Variants in FAR2 observed in about 807,000 individuals in gnomAD.
FAR2 encodes fatty acyl-CoA reductase 2.
In FAR2, 19 loss-of-function variants were observed where a neutral mutation model predicts 56.0. That is an observed-to-expected ratio of 0.34 (90% confidence interval 0.24 to 0.50). The LOEUF (loss-of-function observed/expected upper bound fraction) is 0.50. Among genes scored for constraint, FAR2 ranks in the 20% least tolerant of loss-of-function variants. The pLI, the probability that FAR2 is intolerant of heterozygous loss-of-function variation, is 0.98. For missense variants in FAR2, 508 were observed against 642.2 expected, an observed-to-expected ratio of 0.79 and a Z score of 2.26; for synonymous variants, 219 against 218.8, an observed-to-expected ratio of 1.00 and a Z score of -0.01.
At chr12:29,273,158 TC>T (rs1353682640) in intron 2 of FAR2, among the ~76,000 whole-genome samples, 1 of 152,128 alleles carries the variant, frequency 6.6e-6, no homozygotes, top group African/African-American at 2.4e-5. Flanking sequence ...AACCACTTTG[TC>T]CCTTGGTGGA....
At chr12:29,298,990 G>A (rs1591944506) in intron 4 of FAR2, among the ~76,000 whole-genome samples, 1 of 152,092 alleles carries the variant, frequency 6.6e-6, no homozygotes, top group East Asian at 1.9e-4. Flanking sequence ...GAGGTGGGTG[G>A]ATCACCCGAG....
In FAR2 at chr12:29,293,399, G is replaced by A; in HGVS notation, c.289G>A (p.Asp97Asn). ...NQNDFAISKE[D>N]MQELLSCTNI... is the part of the protein sequence containing the mutation. The stretch of plus-strand genomic sequence containing the variant: ...GAATGACTTTGCCATCAGCAAAGAG[G>A]ACATGCAGGAGCTTCTCTCCTGTAC... The change falls in exon 3 of 12, where the codon GAC becomes AAC. Residue 97 changes from aspartate (D) to asparagine (N), a missense_variant. Asp to Asn is a conservative substitution (Grantham distance 23, BLOSUM62 1). Transcript: ENST00000536681. 1 of 1,612,618 alleles carries A rather than the reference G, an allele frequency of 6.2e-7. No homozygotes were observed.
At chr12:29,265,598 C>G (rs1041971623) in intron 1 of FAR2, among the ~76,000 whole-genome samples, 1 of 152,112 alleles carries the variant, frequency 6.6e-6, no homozygotes, top group Admixed American at 6.5e-5. Flanking sequence ...CAGGGAAAGT[C>G]TCCAGTACAT....
chr12:29,322,993 G>A (rs1949578214), intron 10 of FAR2, among the ~76,000 whole-genome samples: 1 of 152,208 alleles, frequency 6.6e-6, no homozygotes, highest in Non-Finnish European at 1.5e-5. Context: ...TACCTCAGTT[G>A]GAAATGCAGA....
chr12:29,318,900 G>T (rs1376977711), intron 9 of FAR2, among the ~76,000 whole-genome samples: 2 of 152,094 alleles, frequency 1.3e-5, no homozygotes, highest in Non-Finnish European at 2.9e-5. Context: ...TTTGTGACTA[G>T]TGCCAGGTGA....
intron 1 of FAR2, among the ~76,000 whole-genome samples, chr12:29,180,583 A>C (rs1433405846): frequency 6.6e-6 from 1 of 152,160 alleles, no homozygotes; most frequent in Non-Finnish European, 1.5e-5. Context: ...TTTACATTTT[A>C]ACCAGAAATT....
At chr12:29,312,318 TCACTGAGAATGCGA>T (rs887362618) in intron 8 of FAR2, among the ~76,000 whole-genome samples, 7 of 152,160 alleles carry the variant, frequency 4.6e-5, no homozygotes, top group Admixed American at 2.6e-4. Flanking sequence ...TCTTGATATG[TCACTGAGAATGCGA>T]CATCATCAAT....
chr12:29,196,669 A>G (rs1029127776), intron 1 of FAR2, among the ~76,000 whole-genome samples: 1 of 152,188 alleles, frequency 6.6e-6, no homozygotes, highest in Admixed American at 6.5e-5. Flanking sequence ...TACTAGAAGA[A>G]AACTTAGGAA....
intron 1 of FAR2, among the ~76,000 whole-genome samples, chr12:29,229,851 T>C (rs1186618525): frequency 6.6e-6 from 1 of 152,092 alleles, no homozygotes; most frequent in African/African-American, 2.4e-5. Context: ...AGCTTCTCTG[T>C]GGAAGTGACT....
intron 10 of FAR2, among the ~76,000 whole-genome samples, chr12:29,326,183 C>T (rs1382598220): frequency 1.3e-5 from 2 of 152,048 alleles, no homozygotes; most frequent in Non-Finnish European, 2.9e-5. Context: ...ACACATACAC[C>T]CTCCCAAGAC....
At chr12:29,270,227 T>C (rs1480019134) in intron 1 of FAR2, among the ~76,000 whole-genome samples, 185 bp from the exon 2 acceptor site, 1 of 152,222 alleles carries the variant, frequency 6.6e-6, no homozygotes, top group Non-Finnish European at 1.5e-5. Context: ...AAGTCTAGCA[T>C]GTAGAGAGAA....
chr12:29,257,846 A>G (rs914398500), intron 1 of FAR2, among the ~76,000 whole-genome samples: 4 of 152,222 alleles, frequency 2.6e-5, no homozygotes, highest in Non-Finnish European at 4.4e-5. Context: ...CCGGGGCTTC[A>G]TTCTTGAAGT....
At chr12:29,275,261 A>G (rs919865364) in intron 2 of FAR2, among the ~76,000 whole-genome samples, 1 of 151,868 alleles carries the variant, frequency 6.6e-6, no homozygotes, top group Admixed American at 6.6e-5. Flanking sequence ...TGGGGGTCAC[A>G]AGGTACTCAA....
intron 3 of FAR2, 55 bp downstream of exon 3, chr12:29,293,530 C>T: frequency 7.9e-7 from 1 of 1,271,824 alleles, no homozygotes; most frequent in Non-Finnish European, 1.0e-6. Flanking sequence ...ATGTAAATTT[C>T]TTCATAGTTT....
At chr12:29,311,260 G>A (rs962329326) in intron 7 of FAR2, 114 bp downstream of exon 7, 1 of 702,140 alleles carries the variant, frequency 1.4e-6, no homozygotes, top group Non-Finnish European at 2.5e-6. Context: ...GTGTGAAAGT[G>A]CGTATTTCAA....
chr12:29,236,321 C>T (rs772665082), intron 1 of FAR2, among the ~76,000 whole-genome samples: 1 of 152,140 alleles, frequency 6.6e-6, no homozygotes, highest in Non-Finnish European at 1.5e-5. Context: ...CCATTTGAAG[C>T]AGCAAATTAC....
intron 2 of FAR2, chr12:29,277,523 C>T (rs1341177075): frequency 1.3e-5 from 2 of 152,048 alleles, no homozygotes; most frequent in African/African-American, 4.8e-5. Flanking sequence ...ATCTTAAAGT[C>T]CAGTGAGGCA....
At chr12:29,224,174 TTGAAGCATTTGAG>T (rs1947731261) in intron 1 of FAR2, among the ~76,000 whole-genome samples, 1 of 152,212 alleles carries the variant, frequency 6.6e-6, no homozygotes, top group African/African-American at 2.4e-5. Context: ...TTGCAAGTTG[TTGAAGCATTTGAG>T]TGAAGAAAAA....
intron 1 of FAR2, among the ~76,000 whole-genome samples, chr12:29,191,169 A>C (rs769832276): frequency 2.0e-5 from 3 of 152,238 alleles, no homozygotes; most frequent in Non-Finnish European, 2.9e-5. Flanking sequence ...ATTTATGATC[A>C]GGGACTTCTT....
Sources: gnomAD v4.1 joint callset for allele counts (sites outside exome capture counted in the v4.1 genomes callset) on GRCh38, gnomAD v4.1.1 for gene constraint, MANE v1.5 for transcripts, NCBI Gene and HGNC (gene_info 2026-07-23, HGNC 2026-07-21) for gene names.